ITGA9: variants seen among roughly 807,000 people sequenced by gnomAD.
ITGA9 encodes integrin subunit alpha 9.
Under a neutral mutation model 127.8 loss-of-function variants are expected in ITGA9, and 56 were observed. That is an observed-to-expected ratio of 0.44 (90% CI 0.35 to 0.55). The LOEUF is 0.55. Ranked by LOEUF, ITGA9 falls within the 20% of genes least tolerant of loss-of-function variation. ITGA9 has a pLI of 0.00. For missense variants in ITGA9, 1,196 were observed against 1,347.1 expected, an observed-to-expected ratio of 0.89 and a Z score of 1.76; for synonymous variants, 508 against 514.5, an observed-to-expected ratio of 0.99 and a Z score of 0.17.
At chr3:37,734,975 C>T (rs1696341306) in intron 19 of ITGA9, among the ~76,000 whole-genome samples, 1 of 152,220 alleles carries the variant, frequency 6.6e-6, no homozygotes, top group African/African-American at 2.4e-5. Flanking sequence ...CAACAAGTCA[C>T]CCAGCAGAGA....
chr3:37,581,685 T>A (rs912222646), intron 15 of ITGA9, among the ~76,000 whole-genome samples: 1 of 152,234 alleles, frequency 6.6e-6, no homozygotes, highest in African/African-American at 2.4e-5. Flanking sequence ...ACCCCTGATA[T>A]CCACCTTGTT....
At position 37,819,287 on chromosome 3, in the gene ITGA9, A is replaced by G. The variant is rs1489173814; in HGVS notation, c.*298A>G. On this transcript the variant is annotated 3_prime_UTR_variant, in exon 28 of 28. Transcript: ENST00000264741. ...GGTCAACCCTCAGGGGAAAACTGTT[A>G]CCTAAAGTATTTTTATAAATATAAG... is the stretch of plus-strand genomic sequence containing the variant. The G allele has an allele frequency of 2.3e-6, 1 of 443,704 alleles. No individual in the cohort carries two copies. The highest frequency in any genetic ancestry group is 4.1e-6 in the Non-Finnish European group (1 of 245,142). The allele number at this position is 443,704 out of a possible 1,614,324, so 27.5% of individuals were successfully genotyped here.
chr3:37,570,022 T>A (rs776969857), intron 15 of ITGA9, among the ~76,000 whole-genome samples: 15 of 152,266 alleles, frequency 9.9e-5, no homozygotes, highest in Non-Finnish European at 1.8e-4. Flanking sequence ...GGTTTTAAAC[T>A]ATCTGAAGAT....
At chr3:37,549,198 A>C (rs1340512974) in intron 15 of ITGA9, among the ~76,000 whole-genome samples, 1 of 152,160 alleles carries the variant, frequency 6.6e-6, no homozygotes, top group Admixed American at 6.5e-5. Context: ...GTGAATGTTC[A>C]GCATGGGAGC....
chr3:37,801,971 G>A (rs1283892150), intron 26 of ITGA9, among the ~76,000 whole-genome samples: 1 of 152,192 alleles, frequency 6.6e-6, no homozygotes, highest in Non-Finnish European at 1.5e-5. Flanking sequence ...CACCAGGGAA[G>A]AGCCAGTAAG....
At chr3:37,613,232 C>T (rs568286774) in intron 15 of ITGA9, among the ~76,000 whole-genome samples, 33 of 151,354 alleles carry the variant, frequency 2.2e-4, no homozygotes, top group East Asian at 1.2e-3. Flanking sequence ...TTTGTCCTTG[C>T]GATAGTTTGC....
rs145968480 is a variant in ITGA9, at chr3:37,459,696, G to A, written c.185+7137G>A. ...GCCCAAGTTACATGGCTAATGAGTT[G>A]TCGAGCACAGGCCTGTGCCTTTGCC... On this transcript the variant is annotated intron_variant, in intron 1 of 27. Transcript: ENST00000264741. Among the ~76,000 whole-genome samples, 901 of 152,330 alleles carry A rather than the reference G, an allele frequency of 5.9e-3. 13 individuals are homozygous for A. Among genetic ancestry groups the A allele is most frequent in the African/African-American group, 0.021 (869 of 41,576 alleles).
intron 15 of ITGA9, among the ~76,000 whole-genome samples, chr3:37,545,757 C>T (rs1699320091): frequency 6.6e-6 from 1 of 152,204 alleles, no homozygotes; most frequent in Non-Finnish European, 1.5e-5. Context: ...GTGGATCTCA[C>T]AGTCACAGGC....
At chr3:37,683,507 C>T (rs998518460) in intron 17 of ITGA9, among the ~76,000 whole-genome samples, 3 of 152,228 alleles carry the variant, frequency 2.0e-5, no homozygotes, top group East Asian at 1.9e-4. Flanking sequence ...TTCCCTAGCA[C>T]GGAGTAGTGG....
In ITGA9 at chr3:37,496,517, A is replaced by C. The variant is rs75131249; in HGVS notation, c.612+1949A>C. Among the ~76,000 whole-genome samples the C allele has an allele frequency of 1.0e-3, 158 of 152,328 alleles. 3 individuals carry two copies. The East Asian group carries it at 0.026, about 25-fold the overall frequency. ...CTGCCACCCTACAAATCTAAGCCAT[A>C]GTTGTCTTGCTTCCAACCCACTGCG... is the stretch of plus-strand genomic sequence containing the variant. On this transcript the variant is annotated intron_variant, in intron 5 of 27. Coordinates refer to ENST00000264741, the MANE Select transcript of ITGA9 (RefSeq NM_002207.3).
At chr3:37,606,138 C>G (rs759616222) in intron 15 of ITGA9, among the ~76,000 whole-genome samples, 1 of 152,186 alleles carries the variant, frequency 6.6e-6, no homozygotes, top group East Asian at 1.9e-4. Flanking sequence ...TGGCTTTGAA[C>G]AAAGCAAGTC....
rs138218361 is a variant in ITGA9 at position 37,630,220 on chromosome 3, G to C, written c.1839+884G>C. On this transcript the variant is annotated intron_variant, in intron 16 of 27. Transcript: ENST00000264741. ...TAGACTGAACCACAGAGAAGGGTTTGGGATTTGAGATATCCATCCAGGTGT... is the reference window on the plus strand; with the variant it reads ...TAGACTGAACCACAGAGAAGGGTTTCGGATTTGAGATATCCATCCAGGTGT... Among the ~76,000 whole-genome samples the C allele has an allele frequency of 3.0e-3, 462 of 152,296 alleles. 4 individuals carry two copies. The highest frequency in any genetic ancestry group is 0.01 in the Middle Eastern group (3 of 294).
At chr3:37,749,697 A>G (rs946871512) in intron 22 of ITGA9, 1 of 152,296 alleles carries the variant, frequency 6.6e-6, no homozygotes, top group Non-Finnish European at 1.5e-5. Context: ...TGCTAGGGAA[A>G]ACAAGAGAGG....
chr3:37,463,248 C>G lies in ITGA9; in HGVS notation c.186-7759C>G, dbSNP rs34405948. 8.7e-3 allele frequency among the ~76,000 whole-genome samples: 1,319 copies of G among 152,298 alleles called. 11 individuals carry two copies. The highest frequency in any genetic ancestry group is 0.012 in the Non-Finnish European group (819 of 68,034). ...TTGATGACGTATCTGTTTTCTATCACCACAATATTGCTGCATCCCTAACAA... is the reference window on the plus strand; with the variant it reads ...TTGATGACGTATCTGTTTTCTATCAGCACAATATTGCTGCATCCCTAACAA... On this transcript the variant is annotated intron_variant, in intron 1 of 27. Coordinates refer to ENST00000264741, the MANE Select transcript of ITGA9 (RefSeq NM_002207.3).
chr3:37,721,162 C>T (rs1701186600), intron 18 of ITGA9, among the ~76,000 whole-genome samples: 1 of 146,672 alleles, frequency 6.8e-6, no homozygotes, highest in South Asian at 2.2e-4. Flanking sequence ...CACTGTGGCA[C>T]CCAGGCTGGA....
intron 23 of ITGA9, among the ~76,000 whole-genome samples, chr3:37,767,557 C>T (rs1405663879): frequency 2.0e-5 from 3 of 152,180 alleles, no homozygotes; most frequent in Non-Finnish European, 4.4e-5. Flanking sequence ...AGTGGGCTGT[C>T]ATGTGATTTT....
At chr3:37,712,053 T>C (rs943790042) in intron 18 of ITGA9, among the ~76,000 whole-genome samples, 4 of 151,538 alleles carry the variant, frequency 2.6e-5, no homozygotes, top group African/African-American at 9.7e-5. Context: ...GTGTTGTATT[T>C]ACTTTTCTGG....
chr3:37,636,220 A>G (rs774501086), intron 16 of ITGA9, among the ~76,000 whole-genome samples: 23 of 152,174 alleles, frequency 1.5e-4, no homozygotes, highest in Non-Finnish European at 1.8e-4. Flanking sequence ...GACTTCCACA[A>G]TGGTTGAACT....
In ITGA9 at chr3:37,601,659, G is replaced by A. The variant is rs558701391; in HGVS notation, c.1690-27528G>A. Among the ~76,000 whole-genome samples the A allele has an allele frequency of 7.0e-4, 107 of 152,322 alleles. 2 individuals carry two copies. In the South Asian group the frequency reaches 0.018, roughly 25 times the overall value. The stretch of plus-strand genomic sequence containing the variant: ...CTTCCACGCCTCATCAACATGAGCA[G>A]TATTAGTCTTTATCTCTGACATCAA... On this transcript the variant is annotated intron_variant, in intron 15 of 27. Transcript: ENST00000264741.
Sources: gnomAD v4.1 joint callset for allele counts (sites outside exome capture counted in the v4.1 genomes callset) on GRCh38, gnomAD v4.1.1 for gene constraint, MANE v1.5 for transcripts, NCBI Gene and HGNC (gene_info 2026-07-23, HGNC 2026-07-21) for gene names.